Variants in SVIL observed in about 807,000 individuals in gnomAD.
SVIL encodes the protein supervillin.
SVIL carries 101 observed loss-of-function variants against 240.4 expected under a neutral mutation model. The ratio of observed to expected loss-of-function variants is 0.42; its 90% CI spans 0.36 to 0.50. The LOEUF (loss-of-function observed/expected upper bound fraction) is 0.50. Among genes scored for constraint, SVIL ranks in the 20% least tolerant of loss-of-function variants. The pLI, the probability that SVIL is intolerant of heterozygous loss-of-function variation, is 0.01. For missense variants in SVIL, 2,512 were observed against 2,818.7 expected (o/e 0.89, Z 2.46); for synonymous variants, 999 against 1,100.0 (o/e 0.91, Z 1.82).
intron 3 of SVIL, among the ~76,000 whole-genome samples, chr10:29,649,407 A>C (rs374954772): frequency 6.6e-6 from 1 of 152,302 alleles, no homozygotes; most frequent in African/African-American, 2.4e-5. Flanking sequence ...AAACACAACC[A>C]AGCAATTACA....
chr10:29,574,249 C>T (rs1831157), intron 1 of SVIL, among the ~76,000 whole-genome samples: 62,130 of 151,964 alleles, frequency 0.41, 12,755 homozygotes, highest in East Asian at 0.43. Context: ...TTTAGATGGG[C>T]GTGCGAACCT....
chr10:29,465,521 C>T, intron 34 of SVIL, 74 bp downstream of exon 34: 4 of 1,517,218 alleles, frequency 2.6e-6, no homozygotes, highest in Non-Finnish European at 3.5e-6. Context: ...TAATAAATAC[C>T]AACGTAAAAT....
intron 1 of SVIL, among the ~76,000 whole-genome samples, chr10:29,693,239 G>T (rs1352509802): frequency 6.6e-6 from 1 of 151,686 alleles, no homozygotes; most frequent in Non-Finnish European, 1.5e-5. Flanking sequence ...ATTCAAACCA[G>T]GCAGGGTGGC....
intron 1 of SVIL, among the ~76,000 whole-genome samples, chr10:29,706,092 C>T (rs1962872943): frequency 6.6e-6 from 1 of 152,130 alleles, no homozygotes; most frequent in Non-Finnish European, 1.5e-5. Flanking sequence ...CATGTCTTTG[C>T]TATTGTAAAT....
intron 1 of SVIL, among the ~76,000 whole-genome samples, chr10:29,725,324 C>T (rs1964229952): frequency 6.6e-6 from 1 of 152,056 alleles, no homozygotes; most frequent in African/African-American, 2.4e-5. Flanking sequence ...TCCTTCCCTT[C>T]AAGAGTGATA....
In SVIL at chr10:29,707,138, T is replaced by C. The variant is rs376907959; in HGVS notation, c.-399-20487A>G. ...CTATACGGGCTCTTTTTTGGTTCCA[T>C]GTAAAAATTAAAGTAGTTTCTATCT... On this transcript the variant is annotated intron_variant, in intron 1 of 35. Transcript: ENST00000375400. Among the ~76,000 whole-genome samples the C allele has an allele frequency of 2.0e-4, 31 of 152,304 alleles. No individual in the cohort carries two copies. The East Asian group carries it at 5.6e-3, about 27-fold the overall frequency.
intron 2 of SVIL, among the ~76,000 whole-genome samples, chr10:29,673,611 G>C (rs1435286719): frequency 6.8e-6 from 1 of 146,794 alleles, no homozygotes; most frequent in African/African-American, 2.5e-5. Flanking sequence ...GAGAGCTAGG[G>C]GGGAACTGCC....
rs1383990800 is a variant in SVIL, at chr10:29,567,917, T to C, written c.-143+1338A>G. Among the ~76,000 whole-genome samples the C allele has an allele frequency of 6.0e-5, 9 of 150,832 alleles. No individual in the cohort carries two copies. In the East Asian group the frequency reaches 1.4e-3, roughly 23 times the overall value. On this transcript the variant is annotated intron_variant, in intron 2 of 37. Transcript: ENST00000355867. ...CTGTAGTCCCAGCCACTCGGGAGGCTGAGGCAGGAGAATGGCGTGAACCCA... is the reference window on the plus strand; with the variant it reads ...CTGTAGTCCCAGCCACTCGGGAGGCCGAGGCAGGAGAATGGCGTGAACCCA...
intron 1 of SVIL, chr10:29,602,286 G>T: frequency 1.9e-6 from 1 of 533,694 alleles, no homozygotes; most frequent in Non-Finnish European, 3.9e-6. Flanking sequence ...AGTTCTTAAA[G>T]GTGTACCACG....
chr10:29,564,246 C>G (rs536501100), intron 2 of SVIL, among the ~76,000 whole-genome samples: 2 of 152,078 alleles, frequency 1.3e-5, no homozygotes, highest in Non-Finnish European at 2.9e-5. Flanking sequence ...TTTACAGATC[C>G]GGAAATTGTT....
chr10:29,642,606 C>T (rs1958526846), intron 3 of SVIL, among the ~76,000 whole-genome samples: 1 of 152,142 alleles, frequency 6.6e-6, no homozygotes, highest in Admixed American at 6.5e-5. Flanking sequence ...GACCTAGCAA[C>T]ATGTGCCACT....
In SVIL at chr10:29,649,017, A is replaced by G. The variant is rs373121163; in HGVS notation, c.-201+8952T>C. On this transcript the variant is annotated intron_variant, in intron 3 of 35. Coordinates refer to the SVIL transcript ENST00000375400. ...ACAAAAAACACATTAAAAATTAGCC[A>G]GGCATTGTGACTCACACCCATGGTC... 2.6e-5 allele frequency among the ~76,000 whole-genome samples: 4 copies of G among 152,214 alleles called. No homozygotes were observed. The East Asian group carries it at 7.7e-4, about 29-fold the overall frequency.
chr10:29,675,687 T>C (rs1423254836), intron 2 of SVIL, among the ~76,000 whole-genome samples: 1 of 152,152 alleles, frequency 6.6e-6, no homozygotes, highest in African/African-American at 2.4e-5. Flanking sequence ...CTAATGATTT[T>C]TTCCCCCTTA....
Position 29,463,525 on chromosome 10 carries a change from T to A in SVIL, c.6244A>T (p.Ser2082Cys). 6.2e-7 allele frequency: 1 copy of A among 1,614,142 alleles called. No homozygotes were observed. Among genetic ancestry groups the A allele is most frequent in the South Asian group, 1.1e-5 (1 of 91,080 alleles). Reference protein sequence around the residue: ...ARIRWASDRKSAMETVLQYCK... With the variant: ...ARIRWASDRKCAMETVLQYCK... Reference sequence around the variant, plus strand: ...TACTGGAGCACAGTCTCCATCGCACTCTTCCGGTCGGAGGCCCAGCGGATG... The same window carrying A: ...TACTGGAGCACAGTCTCCATCGCACACTTCCGGTCGGAGGCCCAGCGGATG... Residue 2082 changes from serine to cysteine, a missense_variant, in exon 35 of 38, where the codon AGT becomes TGT. Around this residue, in one of 3 missense-constraint regions of SVIL, gnomAD observed 797 missense variants for 925.3 expected, o/e 0.86. Transcript: ENST00000355867.
intron 2 of SVIL, among the ~76,000 whole-genome samples, chr10:29,686,315 G>A (rs895807667): frequency 3.9e-5 from 6 of 152,160 alleles, no homozygotes; most frequent in Admixed American, 2.6e-4. Flanking sequence ...CTAAGGAAAG[G>A]AGTCAACTGC....
chr10:29,501,530 T>C (rs538672235), intron 17 of SVIL, among the ~76,000 whole-genome samples: 57 of 152,240 alleles, frequency 3.7e-4, no homozygotes, highest in South Asian at 3.7e-3. Flanking sequence ...GTAAAGCGTA[T>C]GAAAGTGCTC....
chr10:29,703,234 C>T lies in SVIL; in HGVS notation c.-399-16583G>A, dbSNP rs142327174. Among the ~76,000 whole-genome samples, 128 of 152,294 alleles carry T rather than the reference C, an allele frequency of 8.4e-4. 1 individual carries two copies. Among genetic ancestry groups the T allele is most frequent in the African/African-American group, 2.9e-3 (122 of 41,558 alleles). On this transcript the variant is annotated intron_variant, in intron 1 of 35. Transcript: ENST00000375400. ...GCTGTTTTTAAAGTTTCTCTGGGTT[C>T]ATTATTTAACGTTCCCTCTTAACAC...
chr10:29,622,101 T>C (rs889976509), intron 1 of SVIL, among the ~76,000 whole-genome samples: 1 of 149,878 alleles, frequency 6.7e-6, no homozygotes, highest in Non-Finnish European at 1.5e-5. Flanking sequence ...ATACAAAAAA[T>C]TAGCCGGGCG....
In SVIL at chr10:29,729,693, G is replaced by A. The variant is rs1432558691; in HGVS notation, c.-400+6058C>T. ...TACTAAAAACACAAAAAGTAGCTGG[G>A]TGTGGTGGCACGCACCTGTAGTTCC... On this transcript the variant is annotated intron_variant, in intron 1 of 35. Transcript: ENST00000375400. 5.3e-5 allele frequency among the ~76,000 whole-genome samples: 8 copies of A among 150,614 alleles called. 1 individual carries two copies. Among genetic ancestry groups the A allele is most frequent in the Admixed American group, 4.6e-4 (7 of 15,132 alleles).
Sources: allele counts gnomAD v4.1 joint callset (sites outside exome capture counted in the v4.1 genomes callset), GRCh38; gene constraint gnomAD v4.1.1; regional missense constraint gnomAD v4.1.1; transcripts MANE v1.5; gene names NCBI Gene and HGNC (gene_info 2026-07-23, HGNC 2026-07-21).